ZKSCAN7: variants seen among roughly 807,000 people sequenced by gnomAD.
ZKSCAN7 encodes the protein zinc finger with KRAB and SCAN domains 7, also known as zinc finger protein with KRAB and SCAN domains 7.
In ZKSCAN7, 38 loss-of-function variants were observed where a neutral mutation model predicts 65.3. That is an observed-to-expected ratio of 0.58 (90% CI 0.45 to 0.76). The LOEUF (loss-of-function observed/expected upper bound fraction) is 0.76, where lower values mean the gene tolerates loss of function less well. ZKSCAN7 is among the 30% of genes least tolerant of loss of function. The probability of loss-of-function intolerance (pLI) is 0.00; values close to 1 mark genes in which losing one functional copy is unlikely to be tolerated. For synonymous variants in ZKSCAN7, 321 were observed against 321.0 expected, an observed-to-expected ratio of 1.00 and a Z score of 0.00; for missense variants, 815 against 913.3, an observed-to-expected ratio of 0.89 and a Z score of 1.39.
intron 2 of ZKSCAN7, among the ~76,000 whole-genome samples, chr3:44,562,147 A>G (rs1699492023): frequency 6.6e-6 from 1 of 152,138 alleles, no homozygotes; most frequent in Non-Finnish European, 1.5e-5. Flanking sequence ...CTAGGAGGAG[A>G]TTCCCAAACC....
At chr3:44,579,258 G>C (rs1700001494) in intron 5 of ZKSCAN7, among the ~76,000 whole-genome samples, 1 of 152,200 alleles carries the variant, frequency 6.6e-6, no homozygotes, top group African/African-American at 2.4e-5. Flanking sequence ...AAGTGCTTGC[G>C]GCGCTCCTCC....
chr3:44,580,915 C>T (rs1358182109), intron 5 of ZKSCAN7: 73 of 1,613,170 alleles, frequency 4.5e-5, no homozygotes, highest in Non-Finnish European at 6.2e-5. Context: ...TGCGTCAGGT[C>T]CTCGTCGTTG....
downstream of ZKSCAN7, among the ~76,000 whole-genome samples, chr3:44,575,703 G>A (rs1037285165): frequency 6.6e-6 from 1 of 152,164 alleles, no homozygotes; most frequent in Non-Finnish European, 1.5e-5. Flanking sequence ...TCAGCCTCCT[G>A]AGTAGCTGGG....
At chr3:44,577,981 C>T (rs934325417) in intron 5 of ZKSCAN7, among the ~76,000 whole-genome samples, 1 of 152,230 alleles carries the variant, frequency 6.6e-6, no homozygotes, top group Non-Finnish European at 1.5e-5. Context: ...GTCAGGCCTT[C>T]CTTCAGACTC....
chr3:44,563,888 A>G (rs1038923733), intron 2 of ZKSCAN7, among the ~76,000 whole-genome samples: 5 of 152,170 alleles, frequency 3.3e-5, no homozygotes, highest in African/African-American at 1.2e-4. Context: ...CATTTTAGAG[A>G]GTCTTTCAGT....
rs540147667 is a variant in ZKSCAN7, at chr3:44,562,521, G to A, written c.424-2966G>A. Among the ~76,000 whole-genome samples, 27 of 152,290 alleles carry A rather than the reference G, an allele frequency of 1.8e-4. 1 individual carries two copies. The South Asian group carries it at 5.4e-3, about 30-fold the overall frequency. On this transcript the variant is annotated intron_variant, in intron 2 of 5. Transcript: ENST00000426540. ...GGCTTGAATTTCTCCCCAGAAAACG[G>A]GTTTTTCTTTTCTACCACATGGCCG...
intron 5 of ZKSCAN7, chr3:44,579,953 C>T (rs1028222252): frequency 2.3e-5 from 35 of 1,524,294 alleles, no homozygotes; most frequent in Admixed American, 1.2e-4. Flanking sequence ...CGGGGGAAGC[C>T]GAGGCGTCTG....
rs1470953822 is a variant in ZKSCAN7 at position 44,557,160 on chromosome 3, A to G, written c.113A>G (p.Gln38Arg). Reference sequence around the variant, plus strand: ...GAGCCAGCAAACCAGACCTGGGGGCAGGGCAGCAGTCTCCAGAAGAACTAT... The same window carrying G: ...GAGCCAGCAAACCAGACCTGGGGGCGGGGCAGCAGTCTCCAGAAGAACTAT... ...KQEPANQTWGQGSSLQKNYPP... is the reference protein window; with the variant it reads ...KQEPANQTWGRGSSLQKNYPP... Residue 38 changes from glutamine (Q) to arginine (R), a missense_variant, in exon 2 of 6, where the codon CAG (glutamine) becomes CGG (arginine). Physicochemically the swap from Gln to Arg is conservative, Grantham distance 43. Coordinates refer to ENST00000426540, the MANE Select transcript of ZKSCAN7 (RefSeq NM_001288590.2). 6.2e-7 allele frequency: 1 copy of G among 1,614,264 alleles called. No individual in the cohort carries two copies. The highest frequency in any genetic ancestry group is 1.1e-5 in the South Asian group (1 of 91,088).
At chr3:44,558,945 A>T (rs1699382178) in intron 2 of ZKSCAN7, among the ~76,000 whole-genome samples, 1 of 151,440 alleles carries the variant, frequency 6.6e-6, no homozygotes, top group African/African-American at 2.4e-5. Flanking sequence ...CACCAGGCTA[A>T]TTTTTTTTAT....
chr3:44,578,264 T>C, intron 5 of ZKSCAN7: 1 of 1,568,870 alleles, frequency 6.4e-7, no homozygotes, highest in Admixed American at 1.7e-5. Context: ...CAGCTCATCC[T>C]TGAGGGAGCT....
In ZKSCAN7 at chr3:44,580,453, T is replaced by G. The variant is rs1700045366; in HGVS notation, c.812-2519T>G. 4.4e-6 allele frequency: 7 copies of G among 1,603,352 alleles called. No individual in the cohort carries two copies. In the East Asian group the frequency reaches 1.4e-4, roughly 31 times the overall value. ...AGTGTGGACTTGGTGGTGGGGACTTTCTCAGCACTGGGGATGCTGCTGCTG... is the reference window on the plus strand; with the variant it reads ...AGTGTGGACTTGGTGGTGGGGACTTGCTCAGCACTGGGGATGCTGCTGCTG... On this transcript the variant is annotated intron_variant, in intron 5 of 5. Transcript: ENST00000341840.
At position 44,580,435 on chromosome 3, in the gene ZKSCAN7, A is replaced by G; in HGVS notation, c.812-2537A>G. 27 of 1,600,612 alleles carry G rather than the reference A, an allele frequency of 1.7e-5. No individual in the cohort carries two copies. In the South Asian group the frequency reaches 3.0e-4, roughly 18 times the overall value. ...CTCATTTCTTCCTGCCAGAGTGTGG[A>G]CTTGGTGGTGGGGACTTTCTCAGCA... is the stretch of plus-strand genomic sequence containing the variant. On this transcript the variant is annotated intron_variant, in intron 5 of 5. Coordinates refer to the ZKSCAN7 transcript ENST00000341840.
chr3:44,568,157 C>A (rs1363060008), intron 4 of ZKSCAN7, 150 bp from the exon 5 acceptor site: 9 of 1,534,800 alleles, frequency 5.9e-6, no homozygotes, highest in Non-Finnish European at 7.9e-6. Flanking sequence ...TCTATCTTGC[C>A]CTGGACTTGT....
At chr3:44,573,243 G>A (rs1435431395), downstream of ZKSCAN7, among the ~76,000 whole-genome samples, 3 of 152,198 alleles carry the variant, frequency 2.0e-5, no homozygotes, top group Non-Finnish European at 2.9e-5. Flanking sequence ...TCTGGGGGAC[G>A]TTTGCCTCTG....
downstream of ZKSCAN7, among the ~76,000 whole-genome samples, chr3:44,572,371 T>C (rs1467332410): frequency 6.6e-6 from 1 of 151,164 alleles, no homozygotes; most frequent in African/African-American, 2.4e-5. Context: ...TGTGTGTGTG[T>C]GTGTGTGTGT....
Position 44,570,343 on chromosome 3 carries a change from T to C in ZKSCAN7, c.1233T>C (p.Tyr411=). The change falls in exon 6 of 6, where the codon TAT becomes TAC. Residue 411 remains tyrosine, a synonymous_variant. Coordinates refer to ENST00000426540, the MANE Select transcript of ZKSCAN7 (RefSeq NM_001288590.2). ...HQRIHTGEKP[Y]ECNECGKTFR... Reference sequence around the variant, plus strand: ...GAATCCACACTGGAGAGAAACCCTATGAGTGTAATGAGTGTGGGAAGACCT... The same window carrying C: ...GAATCCACACTGGAGAGAAACCCTACGAGTGTAATGAGTGTGGGAAGACCT... The C allele has an allele frequency of 1.2e-6, 2 of 1,614,114 alleles. No homozygotes were observed. The highest frequency in any genetic ancestry group is 1.7e-6 in the Non-Finnish European group (2 of 1,180,006).
intron 1 of ZKSCAN7, among the ~76,000 whole-genome samples, chr3:44,555,777 C>A (rs1575351659): frequency 4.6e-5 from 7 of 152,204 alleles, no homozygotes; most frequent in African/African-American, 1.4e-4. Context: ...GATTGAGACA[C>A]AGGGATCTGG....
Position 44,570,726 on chromosome 3 carries a change from T to C in ZKSCAN7, c.1616T>C (p.Ile539Thr). The C allele has an allele frequency of 1.3e-5, 21 of 1,614,150 alleles. No homozygotes were observed. The highest frequency in any genetic ancestry group is 1.8e-5 in the Non-Finnish European group (21 of 1,180,026). The change falls in exon 6 of 6, where the codon ATT becomes ACT. Residue 539 changes from isoleucine to threonine, a missense_variant. By Grantham distance (89) the Ile-to-Thr change is moderately conservative. Coordinates refer to ENST00000426540, the MANE Select transcript of ZKSCAN7 (RefSeq NM_001288590.2). ...GRAFCSNRNLIDHQRIHTGEK... is the reference protein window; with the variant it reads ...GRAFCSNRNLTDHQRIHTGEK... ...GCATTCTGTTCCAATAGAAATCTCA[T>C]TGACCATCAGAGAATCCACACTGGG...
At chr3:44,568,239 T>C (rs1345482369) in intron 4 of ZKSCAN7, 68 bp from the exon 5 acceptor site, 3 of 1,579,516 alleles carry the variant, frequency 1.9e-6, no homozygotes, top group African/African-American at 2.7e-5. Flanking sequence ...CCTGTGCCCT[T>C]CGTACCCCTG....
Sources: gnomAD v4.1 joint callset for allele counts (sites outside exome capture counted in the v4.1 genomes callset) on GRCh38, gnomAD v4.1.1 for gene constraint, MANE v1.5 for transcripts, NCBI Gene and HGNC (gene_info 2026-07-23, HGNC 2026-07-21) for gene names.